Variants in WDFY3 observed in about 807,000 individuals in gnomAD.
WDFY3 encodes WD repeat and FYVE domain-containing protein 3.
In WDFY3, 66 loss-of-function variants were observed where a neutral mutation model predicts 409.6. The observed-to-expected ratio is 0.16, with a 90% CI of 0.13 to 0.20. The LOEUF is 0.20. Among genes scored for constraint, WDFY3 ranks in the 10% least tolerant of loss-of-function variants. The probability of loss-of-function intolerance (pLI) is 1.00; values close to 1 mark genes in which losing one functional copy is unlikely to be tolerated. For synonymous variants in WDFY3, 1,521 were observed against 1,537.1 expected, an observed-to-expected ratio of 0.99 and a Z score of 0.25; for missense variants, 3,031 against 4,298.1, an observed-to-expected ratio of 0.71 and a Z score of 8.24.
intron 64 of WDFY3, among the ~76,000 whole-genome samples, chr4:84,680,497 T>G (rs975612612): frequency 1.3e-5 from 2 of 152,164 alleles, no homozygotes; most frequent in African/African-American, 2.4e-5. Context: ...CTTTGGAATT[T>G]TGTTCTTCTT....
At chr4:84,959,936 A>T (rs889222927) in intron 1 of WDFY3, among the ~76,000 whole-genome samples, 6 of 152,230 alleles carry the variant, frequency 3.9e-5, no homozygotes, top group Admixed American at 2.6e-4. Flanking sequence ...TCTTATCTAT[A>T]TTAACGCTTC....
At chr4:84,743,645 G>T in intron 37 of WDFY3, 55 bp downstream of exon 37, 5 of 1,388,832 alleles carry the variant, frequency 3.6e-6, no homozygotes, top group South Asian at 1.5e-5. Flanking sequence ...TTTACTTGGG[G>T]CTTAGAGAGG....
At chr4:84,769,099 C>A (rs968832049) in intron 30 of WDFY3, among the ~76,000 whole-genome samples, 1 of 152,190 alleles carries the variant, frequency 6.6e-6, no homozygotes. Context: ...TGAATTACTG[C>A]AATCTCATGA....
At chr4:84,816,190 C>T (rs1019228764) in intron 13 of WDFY3, among the ~76,000 whole-genome samples, 3 of 152,090 alleles carry the variant, frequency 2.0e-5, no homozygotes, top group Non-Finnish European at 2.9e-5. Context: ...TTGCATCAAT[C>T]AATAAATTAA....
In WDFY3 at chr4:84,753,789, G is replaced by T; in HGVS notation, c.5647C>A (p.Pro1883Thr). Residue 1883 changes from proline (P) to threonine (T), a missense_variant, in exon 35 of 68, where the codon CCA (proline) becomes ACA (threonine). Pro to Thr is a conservative substitution (Grantham distance 38). Transcript: ENST00000295888. ...QFFRYLYHNV[P>T]DLASMWMSPD... The stretch of plus-strand genomic sequence containing the variant: ...CTCATCCACATGGAGGCAAGGTCTG[G>T]CACGTTGTGATACAAATATCTGAAG... 1 of 1,612,374 alleles carries T rather than the reference G, an allele frequency of 6.2e-7. No homozygotes were observed. Among genetic ancestry groups the T allele is most frequent in the South Asian group, 1.1e-5 (1 of 90,920 alleles).
At chr4:84,914,444 C>CA (rs1311188503) in intron 2 of WDFY3, among the ~76,000 whole-genome samples, 14 of 150,350 alleles carry the variant, frequency 9.3e-5, no homozygotes, top group South Asian at 2.1e-4. Flanking sequence ...CAAAACAAAA[C>CA]AAAAAAAAAT....
At chr4:84,867,028 G>A (rs1761484017) in intron 3 of WDFY3, among the ~76,000 whole-genome samples, 1 of 152,070 alleles carries the variant, frequency 6.6e-6, no homozygotes, top group African/African-American at 2.4e-5. Flanking sequence ...GTAACTTCAG[G>A]AGAAAGGCTC....
intron 21 of WDFY3, among the ~76,000 whole-genome samples, chr4:84,791,051 C>T (rs1000216655): frequency 1.3e-5 from 2 of 152,130 alleles, no homozygotes; most frequent in South Asian, 2.1e-4. Context: ...ACAGTACAGA[C>T]GTTTCTCAAA....
intron 1 of WDFY3, among the ~76,000 whole-genome samples, chr4:84,963,899 G>A (rs1161664703): frequency 6.6e-6 from 1 of 152,140 alleles, no homozygotes; most frequent in African/African-American, 2.4e-5. Context: ...TAGAAACAAC[G>A]TCTATGTGCT....
intron 49 of WDFY3, among the ~76,000 whole-genome samples, chr4:84,715,693 T>C (rs1055574268): frequency 6.9e-6 from 1 of 145,582 alleles, no homozygotes; most frequent in Non-Finnish European, 1.5e-5. Context: ...GAGAATGGCA[T>C]GATCCCAGGA....
intron 45 of WDFY3, among the ~76,000 whole-genome samples, chr4:84,725,774 G>A (rs1735556437): frequency 6.6e-6 from 1 of 151,892 alleles, no homozygotes; most frequent in South Asian, 2.1e-4. Context: ...TTTTTTTTAA[G>A]TGATTTCCAA....
At chr4:84,770,512 C>T (rs1744490782) in intron 30 of WDFY3, among the ~76,000 whole-genome samples, 1 of 152,116 alleles carries the variant, frequency 6.6e-6, no homozygotes, top group South Asian at 2.1e-4. Flanking sequence ...TATTCCTATA[C>T]TTTCCTTCTT....
intron 5 of WDFY3, among the ~76,000 whole-genome samples, chr4:84,841,565 T>C (rs1757354704): frequency 6.6e-6 from 1 of 152,160 alleles, no homozygotes; most frequent in Admixed American, 6.5e-5. Context: ...TACATGTTTG[T>C]CCAGGAAGTA....
intron 21 of WDFY3, among the ~76,000 whole-genome samples, chr4:84,790,124 C>A (rs971410981): frequency 1.3e-5 from 2 of 151,798 alleles, no homozygotes; most frequent in Non-Finnish European, 2.9e-5. Context: ...CTGAGGCGGG[C>A]GGATCACCTG....
At chr4:84,839,019 A>T (rs990730679) in intron 6 of WDFY3, among the ~76,000 whole-genome samples, 4 of 152,130 alleles carry the variant, frequency 2.6e-5, no homozygotes, top group African/African-American at 9.7e-5. Context: ...ATAACACTGA[A>T]TTTGCTTTTT....
intron 2 of WDFY3, among the ~76,000 whole-genome samples, chr4:84,905,009 T>C (rs1373922918): frequency 6.6e-6 from 1 of 151,470 alleles, no homozygotes; most frequent in Non-Finnish European, 1.5e-5. Flanking sequence ...TCTTTATTTC[T>C]ACAGTCTCTC....
Position 84,717,460 on chromosome 4 carries a change from C to T in WDFY3, c.7755-444G>A, listed in dbSNP as rs372255711. 2.6e-5 allele frequency among the ~76,000 whole-genome samples: 4 copies of T among 152,222 alleles called. No homozygotes were observed. In the East Asian group the frequency reaches 7.7e-4, roughly 29 times the overall value. The stretch of plus-strand genomic sequence containing the variant: ...GACCCACGAAAGACTTCATGTGACC[C>T]TGATTGTTGTTGACAGTAATTATTT... On this transcript the variant is annotated intron_variant, in intron 48 of 67. Transcript: ENST00000295888.
At chr4:84,735,190 A>T in intron 42 of WDFY3, 70 bp from the exon 43 acceptor site, 1 of 1,360,386 alleles carries the variant, frequency 7.4e-7, no homozygotes, top group Non-Finnish European at 1.0e-6. Context: ...ATTACCCTTG[A>T]AATTAATGCT....
chr4:84,912,658 A>G (rs1005718684), intron 2 of WDFY3, among the ~76,000 whole-genome samples: 3 of 152,194 alleles, frequency 2.0e-5, no homozygotes, highest in Non-Finnish European at 4.4e-5. Context: ...AAGAGGCAAC[A>G]GACAAGTTCC....
Sources: allele counts gnomAD v4.1 joint callset (sites outside exome capture counted in the v4.1 genomes callset), GRCh38; gene constraint gnomAD v4.1.1; transcripts MANE v1.5; gene names NCBI Gene and HGNC (gene_info 2026-07-23, HGNC 2026-07-21).